Variants in MACROD1 observed in about 807,000 individuals in gnomAD.
MACROD1 encodes the protein mono-ADP ribosylhydrolase 1, also known as ADP-ribose glycohydrolase MACROD1.
A neutral mutation model predicts 41.4 loss-of-function variants in MACROD1; 31 were observed. The observed-to-expected ratio is 0.75, with a 90% confidence interval of 0.56 to 1.01. The LOEUF is 1.01. MACROD1 is among the 50% of genes least tolerant of loss of function. The pLI, the probability that MACROD1 is intolerant of heterozygous loss-of-function variation, is 0.00. For synonymous variants in MACROD1, 252 were observed against 203.4 expected, an observed-to-expected ratio of 1.24 and a Z score of -2.03; for missense variants, 473 against 460.0, an observed-to-expected ratio of 1.03 and a Z score of -0.26.
At chr11:64,025,126 A>G (rs1565198863) in intron 3 of MACROD1, among the ~76,000 whole-genome samples, 1 of 152,080 alleles carries the variant, frequency 6.6e-6, no homozygotes, top group Non-Finnish European at 1.5e-5. Context: ...CTACAGGCAC[A>G]CGACACCACA....
intron 3 of MACROD1, chr11:64,117,190 C>T (rs750867527): frequency 1.4e-5 from 22 of 1,614,014 alleles, no homozygotes; most frequent in East Asian, 1.3e-4. Context: ...AACCTGACCA[C>T]GCTGCCCCGC....
intron 3 of MACROD1, among the ~76,000 whole-genome samples, chr11:64,075,771 C>G (rs928254090): frequency 6.6e-6 from 1 of 152,244 alleles, no homozygotes; most frequent in Non-Finnish European, 1.5e-5. Context: ...CTCCCAGGTT[C>G]AAGGGATTCT....
chr11:64,042,469 C>T (rs569948858), intron 3 of MACROD1, among the ~76,000 whole-genome samples: 1 of 152,322 alleles, frequency 6.6e-6, no homozygotes, highest in Non-Finnish European at 1.5e-5. Flanking sequence ...AAGCCCTGCT[C>T]CAATAGAGGA....
chr11:64,152,627 C>T (rs754770690), intron 1 of MACROD1, among the ~76,000 whole-genome samples: 1 of 152,196 alleles, frequency 6.6e-6, no homozygotes, highest in African/African-American at 2.4e-5. Context: ...GAGGGACTGG[C>T]TCAGGCATCG....
rs1331609948 is a variant in MACROD1 at position 64,120,751 on chromosome 11, A to G, written c.517+30488T>C. Among the ~76,000 whole-genome samples, 1 of 151,576 alleles carries G rather than the reference A, an allele frequency of 6.6e-6. No homozygotes were observed. Among genetic ancestry groups the G allele is most frequent in the East Asian group, 1.9e-4 (1 of 5,148 alleles). ...AGCCCCGAGATGAGCAGAAGGGCCC[A>G]CCTGGGATGTCTGGGAGGAGAGCGT... On this transcript the variant is annotated intron_variant, in intron 3 of 10. Coordinates refer to ENST00000255681, the MANE Select transcript of MACROD1 (RefSeq NM_014067.4). This position sits in a 1 kb window ranked among gnomAD's most constrained non-coding sequence, Gnocchi z 4.5.
At chr11:64,162,234 C>T (rs1945766105) in intron 1 of MACROD1, among the ~76,000 whole-genome samples, 1 of 151,910 alleles carries the variant, frequency 6.6e-6, no homozygotes, top group African/African-American at 2.4e-5. Context: ...GTTCCAGCTA[C>T]TTGGGAGACT....
rs922794608 is a variant in MACROD1 at position 64,022,867 on chromosome 11, ATTTTTT to A, written c.518-7592_518-7587del. On this transcript the variant is annotated intron_variant, in intron 3 of 10. Coordinates refer to ENST00000255681, the MANE Select transcript of MACROD1 (RefSeq NM_014067.4). The stretch of plus-strand genomic sequence containing the variant: ...GCATCCCCAGCAAGCTTCCACATGG[ATTTTTT>A]TTTTTTTTTTTTTTTTTTTGAGATG... 1.2e-4 allele frequency among the ~76,000 whole-genome samples: 11 copies of A among 90,772 alleles called. No individual in the cohort carries two copies. In the South Asian group the frequency reaches 1.3e-3, roughly 11 times the overall value. The allele number at this position is 90,772 out of a possible 152,430, so 59.5% of individuals were successfully genotyped here.
intron 1 of MACROD1, among the ~76,000 whole-genome samples, chr11:64,159,623 C>T (rs999149945): frequency 4.0e-5 from 6 of 151,720 alleles, no homozygotes; most frequent in African/African-American, 1.5e-4. Flanking sequence ...GGAGAAACCC[C>T]GTCTCTACTA....
chr11:64,057,648 G>A (rs1163381642), intron 3 of MACROD1, among the ~76,000 whole-genome samples: 3 of 152,228 alleles, frequency 2.0e-5, no homozygotes, highest in Non-Finnish European at 4.4e-5. Flanking sequence ...ATCAAGGTCA[G>A]GAGAGGGGGC....
intron 3 of MACROD1, chr11:64,103,912 C>CCA (rs1944713449): frequency 6.6e-6 from 1 of 152,382 alleles, no homozygotes; most frequent in Non-Finnish European, 1.5e-5. Flanking sequence ...TGATTGTGGC[C>CCA]CACAGCCTCA....
At chr11:64,049,917 C>T (rs946575682) in intron 3 of MACROD1, among the ~76,000 whole-genome samples, 6 of 152,216 alleles carry the variant, frequency 3.9e-5, no homozygotes, top group African/African-American at 9.6e-5. Context: ...GACGCTGTGG[C>T]CCCGGGGGGG....
intron 3 of MACROD1, among the ~76,000 whole-genome samples, chr11:64,142,892 G>T (rs1945433526): frequency 6.6e-6 from 1 of 152,102 alleles, no homozygotes. Context: ...GAGGCAGGTA[G>T]ATTGCTTGAG....
chr11:64,035,273 G>C lies in MACROD1; in HGVS notation c.518-19992C>G, dbSNP rs1372084123. On this transcript the variant is annotated intron_variant, in intron 3 of 10. Transcript: ENST00000255681. ...GCTGGGGAGCGCCCGGGTGTTTACA[G>C]CACGCGGCGGATGAGAGGGTCTGCC... is the stretch of plus-strand genomic sequence containing the variant. 7.2e-5 allele frequency among the ~76,000 whole-genome samples: 11 copies of C among 152,200 alleles called. 1 individual carries two copies. The East Asian group carries it at 2.1e-3, about 29-fold the overall frequency.
chr11:64,027,447 G>A (rs773076930), intron 3 of MACROD1, among the ~76,000 whole-genome samples: 9 of 152,172 alleles, frequency 5.9e-5, no homozygotes, highest in Non-Finnish European at 1.2e-4. Flanking sequence ...GAGCCCATGG[G>A]ACCAAAGAGA....
chr11:64,012,842 TC>T (rs1943034081), intron 4 of MACROD1, among the ~76,000 whole-genome samples: 1 of 151,982 alleles, frequency 6.6e-6, no homozygotes, highest in African/African-American at 2.4e-5. Context: ...GGCCCCTTGT[TC>T]CTTGTTTTTT....
chr11:64,048,612 T>C (rs571944138), intron 3 of MACROD1, among the ~76,000 whole-genome samples: 70 of 152,288 alleles, frequency 4.6e-4, no homozygotes, highest in African/African-American at 1.6e-3. Context: ...CCCAGCGGAA[T>C]TCTTACTGTT....
At position 64,064,523 on chromosome 11, in the gene MACROD1, CGTAT is replaced by C. The variant is rs1170494351; in HGVS notation, c.518-49246_518-49243del. On this transcript the variant is annotated intron_variant, in intron 3 of 10. Coordinates refer to ENST00000255681, the MANE Select transcript of MACROD1 (RefSeq NM_014067.4). This position sits in a 1 kb window ranked among gnomAD's most constrained non-coding sequence, Gnocchi z 4.5. ...GGCACGCAGGCAGGGTGCATATGTA[CGTAT>C]GTGCCTGGCATGGTCCTTGCCTGAG... Among the ~76,000 whole-genome samples the C allele has an allele frequency of 6.6e-5, 10 of 152,104 alleles. No homozygotes were observed. The highest frequency in any genetic ancestry group is 1.2e-4 in the Non-Finnish European group (8 of 68,008).
At chr11:64,037,527 G>T (rs1943405617) in intron 3 of MACROD1, among the ~76,000 whole-genome samples, 1 of 152,216 alleles carries the variant, frequency 6.6e-6, no homozygotes, top group Non-Finnish European at 1.5e-5. Flanking sequence ...GACAGGGCCC[G>T]TGCCTGGGAG....
intron 3 of MACROD1, among the ~76,000 whole-genome samples, chr11:64,114,256 GTGGA>G (rs1555025643): frequency 5.8e-5 from 8 of 138,006 alleles, no homozygotes; most frequent in East Asian, 4.9e-4. Flanking sequence ...GGATGGTTAG[GTGGA>G]TGGATGGATG....
Sources: gnomAD v4.1 joint callset for allele counts (sites outside exome capture counted in the v4.1 genomes callset) on GRCh38, gnomAD v4.1.1 for gene constraint, Gnocchi (gnomAD v3.1) non-coding constraint, MANE v1.5 for transcripts, NCBI Gene and HGNC (gene_info 2026-07-23, HGNC 2026-07-21) for gene names.